GALNT10: variants seen among roughly 807,000 people sequenced by gnomAD.
The protein encoded by GALNT10 is GalNAc transferase 10.
GALNT10 carries 41 observed loss-of-function variants against 75.0 expected under a neutral mutation model. The observed-to-expected ratio is 0.55, with a 90% confidence interval of 0.43 to 0.71. The LOEUF is 0.71. Among genes scored for constraint, GALNT10 ranks in the 30% least tolerant of loss-of-function variants. The probability of loss-of-function intolerance (pLI) is 0.00; values close to 1 mark genes in which losing one functional copy is unlikely to be tolerated. For missense variants in GALNT10, 727 were observed against 818.5 expected (o/e 0.89, Z 1.36); for synonymous variants, 302 against 313.0 (o/e 0.96, Z 0.37).
chr5:154,384,475 C>T (rs560531915), intron 6 of GALNT10, among the ~76,000 whole-genome samples: 75 of 152,304 alleles, frequency 4.9e-4, no homozygotes, highest in African/African-American at 1.8e-3. Context: ...CTTTCATACT[C>T]TTTTCATCCT....
intron 1 of GALNT10, among the ~76,000 whole-genome samples, chr5:154,240,113 T>TAA (rs1753307718): frequency 6.6e-6 from 1 of 152,372 alleles, no homozygotes; most frequent in Middle Eastern, 3.4e-3. Context: ...TGTATTCGTG[T>TAA]ATACACAGGC....
chr5:154,235,938 G>A (rs1221600680), intron 1 of GALNT10, among the ~76,000 whole-genome samples: 1 of 152,164 alleles, frequency 6.6e-6, no homozygotes, highest in Non-Finnish European at 1.5e-5. Flanking sequence ...TTTTAGAATA[G>A]GGATCCTTTG....
At chr5:154,305,616 GA>G (rs756809048) in intron 3 of GALNT10, among the ~76,000 whole-genome samples, 1 of 152,148 alleles carries the variant, frequency 6.6e-6, no homozygotes, top group South Asian at 2.1e-4. Context: ...CAGGAATAAA[GA>G]AAGTTATTCA....
intron 1 of GALNT10, among the ~76,000 whole-genome samples, chr5:154,245,808 CTTTTT>C (rs3048584): frequency 5.7e-5 from 8 of 141,196 alleles, no homozygotes; most frequent in Non-Finnish European, 3.1e-5. Flanking sequence ...ATCTTAAGCG[CTTTTT>C]TTTTTTTTTT....
At chr5:154,305,288 C>T (rs1051341798) in intron 3 of GALNT10, among the ~76,000 whole-genome samples, 4 of 147,426 alleles carry the variant, frequency 2.7e-5, no homozygotes, top group Admixed American at 1.3e-4. Context: ...AGAGCAAGAC[C>T]TCATCTGTAA....
intron 1 of GALNT10, among the ~76,000 whole-genome samples, chr5:154,256,975 G>A (rs1000918013): frequency 2.0e-5 from 3 of 152,034 alleles, no homozygotes; most frequent in African/African-American, 4.8e-5. Context: ...TTTTCAAGGT[G>A]TAGAAACAGG....
rs560830185 is a variant in GALNT10, at chr5:154,385,894, G to T, written c.939-419G>T. ...GATTGTTTCAGCAGGTCTGAGGTGG[G>T]GCCCAGCGAGCTGTATATTTTTTCA... On this transcript the variant is annotated intron_variant, in intron 6 of 11. Coordinates refer to ENST00000297107, the MANE Select transcript of GALNT10 (RefSeq NM_198321.4). 4.6e-5 allele frequency among the ~76,000 whole-genome samples: 7 copies of T among 152,238 alleles called. No homozygotes were observed. In the South Asian group the frequency reaches 1.2e-3, roughly 27 times the overall value.
rs1256047839 is a variant in GALNT10, at chr5:154,415,935, A to G, written c.1653+3A>G. ...ACCAGCTGTGGAAATACCGCAAAGT[A>G]AGATGGGATGCGGGGGGAGCAGGGC... On this transcript the variant is annotated splice_donor_region_variant and intron_variant, in intron 11 of 11. Coordinates refer to ENST00000297107, the MANE Select transcript of GALNT10 (RefSeq NM_198321.4). 1 of 1,613,672 alleles carries G rather than the reference A, an allele frequency of 6.2e-7. No individual in the cohort carries two copies. The highest frequency in any genetic ancestry group is 1.1e-5 in the South Asian group (1 of 91,078).
chr5:154,380,546 C>A lies in GALNT10; in HGVS notation c.853C>A (p.Arg285=). ...CGAGACACAGGCAGGGGATGCCATG[C>A]GGGGAGCCTTTGACTGGGAGATGTA... is the stretch of plus-strand genomic sequence containing the variant. The part of the protein sequence containing the change: ...RYETQAGDAM[R]GAFDWEMYYK... The change falls in exon 6 of 12, where the codon CGG becomes AGG. Residue 285 remains arginine (R), a synonymous_variant. Coordinates refer to ENST00000297107, the MANE Select transcript of GALNT10 (RefSeq NM_198321.4). 11 of 1,613,546 alleles carry A rather than the reference C, an allele frequency of 6.8e-6. No individual in the cohort carries two copies. The highest frequency in any genetic ancestry group is 9.3e-6 in the Non-Finnish European group (11 of 1,179,538).
chr5:154,395,162 A>C (rs1189373578), intron 7 of GALNT10, among the ~76,000 whole-genome samples: 1 of 152,256 alleles, frequency 6.6e-6, no homozygotes, highest in Admixed American at 6.5e-5. Flanking sequence ...TAACTTCTTC[A>C]AAAGTTTGTT....
At chr5:154,405,744 G>C (rs1266694749) in intron 8 of GALNT10, among the ~76,000 whole-genome samples, 1 of 152,092 alleles carries the variant, frequency 6.6e-6, no homozygotes, top group East Asian at 1.9e-4. Flanking sequence ...TACTCAGGAA[G>C]CTGAGGTGGG....
intron 4 of GALNT10, among the ~76,000 whole-genome samples, chr5:154,344,490 A>G (rs531175212): frequency 2.0e-4 from 30 of 152,258 alleles, no homozygotes; most frequent in East Asian, 1.2e-3. Context: ...GATTACAGGC[A>G]TGAGCCACTG....
chr5:154,262,792 G>T (rs1753718727), intron 1 of GALNT10, among the ~76,000 whole-genome samples: 1 of 152,104 alleles, frequency 6.6e-6, no homozygotes, highest in African/African-American at 2.4e-5. Flanking sequence ...GATCCTATCA[G>T]AATCAGGAAT....
chr5:154,203,220 C>T (rs1463324094), intron 1 of GALNT10, among the ~76,000 whole-genome samples: 1 of 152,170 alleles, frequency 6.6e-6, no homozygotes, highest in African/African-American at 2.4e-5. Flanking sequence ...TCTCCCCTCT[C>T]TGTCTGTGTG....
intron 1 of GALNT10, among the ~76,000 whole-genome samples, chr5:154,250,890 G>A (rs1014513922): frequency 1.1e-4 from 16 of 152,168 alleles, no homozygotes; most frequent in South Asian, 2.1e-4. Context: ...TTTGCCACAT[G>A]TCTGGTTTCT....
At position 154,418,980 on chromosome 5, in the gene GALNT10, A is replaced by G. The variant is rs897583818; in HGVS notation, c.*2008A>G. On this transcript the variant is annotated 3_prime_UTR_variant, in exon 12 of 12. Transcript: ENST00000297107. ...GCAATGCAGCGTCGTTAAAATAAAA[A>G]CTGTGCCTTTTAAAAAGAAAAATGC... The G allele has an allele frequency of 1.3e-5, 2 of 152,486 alleles. No individual in the cohort carries two copies. Among genetic ancestry groups the G allele is most frequent in the African/African-American group, 4.8e-5 (2 of 41,394 alleles). 9.4% of individuals were successfully genotyped at this position (152,486 alleles called of 1,614,324 possible).
At chr5:154,326,707 A>G (rs1754761385) in intron 3 of GALNT10, among the ~76,000 whole-genome samples, 1 of 152,196 alleles carries the variant, frequency 6.6e-6, no homozygotes, top group African/African-American at 2.4e-5. Flanking sequence ...ATGAACACAG[A>G]AAGCAGATTA....
chr5:154,346,198 T>C (rs1755122661), intron 4 of GALNT10, among the ~76,000 whole-genome samples: 1 of 152,002 alleles, frequency 6.6e-6, no homozygotes, highest in Non-Finnish European at 1.5e-5. Context: ...TCTTTATTCA[T>C]CTGTTGGTGG....
intron 1 of GALNT10, among the ~76,000 whole-genome samples, chr5:154,216,579 T>C (rs1053570824): frequency 2.0e-5 from 3 of 152,212 alleles, no homozygotes; most frequent in African/African-American, 7.2e-5. Flanking sequence ...TGGTTAATTT[T>C]CAGTAAATAA....
Sources: gnomAD v4.1 joint callset for allele counts (sites outside exome capture counted in the v4.1 genomes callset) on GRCh38, gnomAD v4.1.1 for gene constraint, MANE v1.5 for transcripts, NCBI Gene and HGNC (gene_info 2026-07-23, HGNC 2026-07-21) for gene names.